ARHGAP29: variants seen among roughly 807,000 people sequenced by gnomAD.
The protein encoded by ARHGAP29 is Rho GTPase activating protein 29.
Under a neutral mutation model 122.6 loss-of-function variants are expected in ARHGAP29, and 43 were observed. The observed-to-expected ratio is 0.35, with a 90% CI of 0.27 to 0.45. ARHGAP29 has a LOEUF of 0.45. Ranked by LOEUF, ARHGAP29 falls within the 20% of genes least tolerant of loss-of-function variation. The probability of loss-of-function intolerance (pLI) is 1.00; values close to 1 mark genes in which losing one functional copy is unlikely to be tolerated. For synonymous variants in ARHGAP29, 506 were observed against 497.1 expected (o/e 1.02, Z -0.24); for missense variants, 1,303 against 1,477.2 (o/e 0.88, Z 1.93).
At chr1:94,296,449 T>C in the ARHGAP29 span, among the ~76,000 whole-genome samples, 1 of 152,236 alleles carries the variant, frequency 6.6e-6, no homozygotes, top group Admixed American at 6.5e-5. Flanking sequence ...GCCTAATTTA[T>C]AAGTTAAAAG....
chr1:94,248,949 A>G (rs2100691770), intron 1 of ARHGAP29, among the ~76,000 whole-genome samples: 1 of 152,328 alleles, frequency 6.6e-6, no homozygotes, highest in African/African-American at 2.4e-5. Flanking sequence ...CCTGGCCTCA[A>G]GGGATCCTCC....
Position 94,174,074 on chromosome 1 carries a change from G to C in ARHGAP29, c.3581C>G (p.Thr1194Arg). 4 of 1,614,198 alleles carry C rather than the reference G, an allele frequency of 2.5e-6. No homozygotes were observed. Among genetic ancestry groups the C allele is most frequent in the Non-Finnish European group, 3.4e-6 (4 of 1,180,040 alleles). ...CACGAGACCGTGGGGATCGTGATCT[G>C]TGCCAGGAGGCACTGCTGCTGAGGG... ...ASPSAAVPPG[T>R]DHDPHGLVVK... The change falls in exon 23 of 23, where the codon ACA becomes AGA. Residue 1194 changes from threonine (T) to arginine (R), a missense_variant. Physicochemically the swap from Thr to Arg is moderately conservative, Grantham distance 71. Transcript: ENST00000260526.
At chr1:94,291,273 G>T in the ARHGAP29 span, among the ~76,000 whole-genome samples, 2 of 152,050 alleles carry the variant, frequency 1.3e-5, no homozygotes, top group Admixed American at 1.3e-4. Context: ...TTGGTTGTTT[G>T]TTTGTTTGTT....
chr1:94,253,336 T>C (rs1654182758), intron 1 of ARHGAP29, among the ~76,000 whole-genome samples: 1 of 152,166 alleles, frequency 6.6e-6, no homozygotes, highest in Non-Finnish European at 1.5e-5. Flanking sequence ...GTCACTGGCC[T>C]GACTAGACTG....
chr1:94,313,841 T>C, the ARHGAP29 span, among the ~76,000 whole-genome samples: 1 of 152,186 alleles, frequency 6.6e-6, no homozygotes, highest in African/African-American at 2.4e-5. Context: ...TGGATGAAGC[T>C]GGAAACCATC....
chr1:94,250,002 A>ATT (rs11398069), intron 1 of ARHGAP29, among the ~76,000 whole-genome samples: 119 of 150,694 alleles, frequency 7.9e-4, no homozygotes, highest in South Asian at 2.7e-3. Flanking sequence ...TTCCAGTGTG[A>ATT]TTTTTTTTTT....
chr1:94,192,093 A>G (rs1242994842), intron 12 of ARHGAP29: 1 of 152,174 alleles, frequency 6.6e-6, no homozygotes, highest in Non-Finnish European at 1.5e-5. Context: ...CTTTAAGTAA[A>G]TAATATATTA....
intron 10 of ARHGAP29, 65 bp downstream of exon 10, chr1:94,202,853 G>A: frequency 6.5e-7 from 1 of 1,547,140 alleles, no homozygotes; most frequent in Non-Finnish European, 8.8e-7. Flanking sequence ...AGGAAGGTCA[G>A]TATATACTGC....
At chr1:94,292,757 C>A in the ARHGAP29 span, among the ~76,000 whole-genome samples, 8 of 152,320 alleles carry the variant, frequency 5.3e-5, no homozygotes, top group East Asian at 1.4e-3. Flanking sequence ...CCGCTCCAGA[C>A]CGTGTTTGCC....
At chr1:94,251,070 A>C (rs1369629623) in intron 1 of ARHGAP29, among the ~76,000 whole-genome samples, 1 of 152,216 alleles carries the variant, frequency 6.6e-6, no homozygotes, top group Non-Finnish European at 1.5e-5. Flanking sequence ...GTAAACTATA[A>C]ATGTCTAGTT....
the ARHGAP29 span, among the ~76,000 whole-genome samples, chr1:94,284,444 G>A: frequency 1.3e-5 from 2 of 152,154 alleles, no homozygotes; most frequent in Non-Finnish European, 2.9e-5. Flanking sequence ...TTATATTACT[G>A]TTCACCCTAT....
chr1:94,254,114 G>A (rs1020609603), intron 1 of ARHGAP29, among the ~76,000 whole-genome samples: 3 of 152,146 alleles, frequency 2.0e-5, no homozygotes, highest in Non-Finnish European at 4.4e-5. Flanking sequence ...AGTTAAAGTA[G>A]TACTATGAGT....
chr1:94,241,726 A>G (rs866792664), upstream of ARHGAP29, among the ~76,000 whole-genome samples: 9 of 1,170 alleles, frequency 7.7e-3, no homozygotes, highest in African/African-American at 9.2e-3. Flanking sequence ...TTTATATATA[A>G]TATATATTTA....
intron 13 of ARHGAP29, 91 bp downstream of exon 13, chr1:94,189,835 G>T: frequency 7.7e-7 from 1 of 1,293,308 alleles, no homozygotes; most frequent in Non-Finnish European, 1.1e-6. Context: ...AATTTTGTCA[G>T]TTAGAAAAGT....
chr1:94,295,553 G>T, the ARHGAP29 span, among the ~76,000 whole-genome samples: 1 of 152,150 alleles, frequency 6.6e-6, no homozygotes. Context: ...AATTTAGAGT[G>T]TAGGCTAGAA....
At chr1:94,310,856 T>G in the ARHGAP29 span, among the ~76,000 whole-genome samples, 3 of 152,144 alleles carry the variant, frequency 2.0e-5, no homozygotes, top group African/African-American at 7.2e-5. Context: ...GACCTCACTT[T>G]CAATTCATGA....
At chr1:94,288,002 C>T in the ARHGAP29 span, among the ~76,000 whole-genome samples, 1 of 152,118 alleles carries the variant, frequency 6.6e-6, no homozygotes, top group Non-Finnish European at 1.5e-5. Context: ...ATTTATAATC[C>T]TTTGGGTATA....
chr1:94,202,835 T>G (rs1650935555), intron 10 of ARHGAP29, 83 bp downstream of exon 10: 1 of 1,538,546 alleles, frequency 6.5e-7, no homozygotes, highest in Admixed American at 2.0e-5. Context: ...TTTAGAAAAA[T>G]GAGAGCAAGG....
In ARHGAP29 at chr1:94,184,905, G is replaced by A; in HGVS notation, c.2076C>T (p.Ala692=). Residue 692 remains alanine, a synonymous_variant, in exon 18 of 23, where the codon GCC becomes GCT. Transcript: ENST00000260526. ...DGIPFILKIC[A]SEIENRALCL... is the part of the protein sequence containing the mutation. ...ACAAAGCTCTATTTTCAATCTCTGAGGCACATATTTTGAGTATAAAAGGGA... is the reference window on the plus strand; with the variant it reads ...ACAAAGCTCTATTTTCAATCTCTGAAGCACATATTTTGAGTATAAAAGGGA... 1 of 1,606,428 alleles carries A rather than the reference G, an allele frequency of 6.2e-7. No homozygotes were observed. Among genetic ancestry groups the A allele is most frequent in the Admixed American group, 1.7e-5 (1 of 58,192 alleles).
Sources: allele counts gnomAD v4.1 joint callset (sites outside exome capture counted in the v4.1 genomes callset), GRCh38; gene constraint gnomAD v4.1.1; transcripts MANE v1.5; gene names NCBI Gene and HGNC (gene_info 2026-07-23, HGNC 2026-07-21).